ABCC11: variants seen among roughly 807,000 people sequenced by gnomAD.
The protein encoded by ABCC11 is ATP binding cassette subfamily C member 11, also known as ATP-binding cassette sub-family C member 11.
ABCC11 carries 135 observed loss-of-function variants against 149.3 expected under a neutral mutation model. The ratio of observed to expected loss-of-function variants is 0.90; its 90% CI spans 0.79 to 1.04. The LOEUF (loss-of-function observed/expected upper bound fraction) is 1.04, where lower values mean the gene tolerates loss of function less well. Ranked by LOEUF, ABCC11 falls within the 50% of genes least tolerant of loss-of-function variation. The pLI is 0.00. For missense variants in ABCC11, 1,680 were observed against 1,722.1 expected, an observed-to-expected ratio of 0.98 and a Z score of 0.43; for synonymous variants, 665 against 671.4, an observed-to-expected ratio of 0.99 and a Z score of 0.15.
intron 27 of ABCC11, 89 bp downstream of exon 27, chr16:48,170,800 T>C: frequency 1.6e-6 from 2 of 1,224,706 alleles, no homozygotes; most frequent in Non-Finnish European, 2.4e-6. Context: ...CAGCAGCAGC[T>C]GGAACACCAC....
intron 10 of ABCC11, among the ~76,000 whole-genome samples, chr16:48,211,415 C>G (rs371541908): frequency 6.6e-6 from 1 of 152,214 alleles, no homozygotes; most frequent in Non-Finnish European, 1.5e-5. Context: ...CCGGGCCACT[C>G]TTCCATATTT....
At chr16:48,169,862 A>G (rs966488002) in intron 28 of ABCC11, among the ~76,000 whole-genome samples, 2 of 152,036 alleles carry the variant, frequency 1.3e-5, no homozygotes, top group African/African-American at 2.4e-5. Flanking sequence ...ACATGTATAC[A>G]TATGTAACAA....
rs1293254105 is a variant in ABCC11 at position 48,216,078 on chromosome 16, G to T, written c.951+36C>A. On this transcript the variant is annotated intron_variant, in intron 7 of 29. Coordinates refer to ENST00000356608, the MANE Select transcript of ABCC11 (RefSeq NM_001370497.1). ...ATTCCAGAGCCCTGGGACTTCTGGG[G>T]CCCAGCATCAAATGGGTGACAGAGA... 2.5e-6 allele frequency: 4 copies of T among 1,601,804 alleles called. No homozygotes were observed. In the South Asian group the frequency reaches 3.3e-5, roughly 13 times the overall value.
intron 25 of ABCC11, among the ~76,000 whole-genome samples, chr16:48,176,578 T>C (rs1000967889): frequency 9.9e-5 from 15 of 152,262 alleles, no homozygotes; most frequent in African/African-American, 3.6e-4. Flanking sequence ...CCGGACCCTA[T>C]ACCCCTCAGC....
chr16:48,222,485 C>T, intron 6 of ABCC11, 113 bp downstream of exon 6: 4 of 851,520 alleles, frequency 4.7e-6, no homozygotes, highest in Non-Finnish European at 7.4e-6. Flanking sequence ...TTTTCTTTCT[C>T]TTTCTCCTTC....
chr16:48,227,573 A>G (rs955548039), intron 4 of ABCC11, among the ~76,000 whole-genome samples: 3 of 152,056 alleles, frequency 2.0e-5, no homozygotes, highest in Admixed American at 6.6e-5. Context: ...AAGAGATGTG[A>G]ATTCTTGCTC....
At chr16:48,228,657 A>G (rs1180065937) in intron 3 of ABCC11, among the ~76,000 whole-genome samples, 1 of 152,164 alleles carries the variant, frequency 6.6e-6, no homozygotes, top group Non-Finnish European at 1.5e-5. Flanking sequence ...AAGGAGAGAA[A>G]GCAGACAAAA....
chr16:48,227,254 A>T (rs1268633005), intron 4 of ABCC11, among the ~76,000 whole-genome samples: 2 of 152,112 alleles, frequency 1.3e-5, no homozygotes, highest in African/African-American at 2.4e-5. Flanking sequence ...CAGGTGGATC[A>T]CCTGAGGTCA....
intron 1 of ABCC11, chr16:48,244,591 G>C: frequency 1.3e-6 from 2 of 1,491,866 alleles, no homozygotes; most frequent in Non-Finnish European, 1.8e-6. Context: ...GACCCCGCCA[G>C]CGACGCGCAG....
intron 5 of ABCC11, among the ~76,000 whole-genome samples, chr16:48,223,395 C>T (rs2056308578): frequency 6.6e-6 from 1 of 152,162 alleles, no homozygotes; most frequent in Non-Finnish European, 1.5e-5. Flanking sequence ...TCAACCCCAA[C>T]CAGAAGCCAG....
intron 4 of ABCC11, among the ~76,000 whole-genome samples, chr16:48,224,850 C>T (rs1363374873): frequency 6.6e-6 from 1 of 152,068 alleles, no homozygotes; most frequent in Non-Finnish European, 1.5e-5. Context: ...TGGTGAAACC[C>T]CCATCTCTGC....
Position 48,224,309 on chromosome 16 carries a change from G to T in ABCC11, c.516C>A (p.Cys172Ter). The T allele has an allele frequency of 1.2e-6, 2 of 1,614,176 alleles. No homozygotes were observed. The highest frequency in any genetic ancestry group is 4.5e-5 in the East Asian group (2 of 44,884). ...RLIFDALLGI[C>*]FCIASVLGPI... ...GCCCGAGTACACTGGCAATGCAGAA[G>T]CAGATGCCCAGAAGTGCATCGAAAA... The change falls in exon 5 of 30, where the codon TGC becomes TGA. Residue 172 changes from cysteine (C) to a stop codon, truncating the protein, a stop_gained. Coordinates refer to ENST00000356608, the MANE Select transcript of ABCC11 (RefSeq NM_001370497.1). LOFTEE classifies it high-confidence loss of function.
chr16:48,192,243 A>T (rs1164144504), intron 20 of ABCC11, among the ~76,000 whole-genome samples: 1 of 152,136 alleles, frequency 6.6e-6, no homozygotes, highest in Admixed American at 6.5e-5. Context: ...CAGGAGTTTG[A>T]GACCACCTTG....
At chr16:48,172,073 T>C (rs1041590508) in intron 26 of ABCC11, among the ~76,000 whole-genome samples, 2 of 152,358 alleles carry the variant, frequency 1.3e-5, no homozygotes, top group East Asian at 1.9e-4. Flanking sequence ...TGGTAACTTC[T>C]ATTCTACTTT....
chr16:48,205,623 C>A, intron 12 of ABCC11, 86 bp from the exon 13 acceptor site: 1 of 1,533,150 alleles, frequency 6.5e-7, no homozygotes, highest in South Asian at 1.2e-5. Flanking sequence ...CCCAGGGCCC[C>A]ACTGCCCTCC....
At chr16:48,227,699 A>G (rs1363013403) in intron 4 of ABCC11, 107 bp downstream of exon 4, 3 of 1,463,058 alleles carry the variant, frequency 2.1e-6, no homozygotes, top group Non-Finnish European at 1.9e-6. Context: ...GGAAGAGCCA[A>G]GTCGTCTGGC....
chr16:48,243,401 CAAAAA>C (rs541776018), intron 1 of ABCC11, among the ~76,000 whole-genome samples: 1,740 of 72,796 alleles, frequency 0.024, 38 homozygotes, highest in African/African-American at 0.075. Context: ...GACTCCGTCT[CAAAAA>C]AAAAAAAAAA....
chr16:48,242,621 C>A (rs1048301901), intron 1 of ABCC11, among the ~76,000 whole-genome samples: 1 of 152,092 alleles, frequency 6.6e-6, no homozygotes, highest in Non-Finnish European at 1.5e-5. Context: ...GCACTATTCG[C>A]AATAGCAAAG....
chr16:48,223,895 A>G (rs1204095841), intron 5 of ABCC11, among the ~76,000 whole-genome samples: 2 of 152,132 alleles, frequency 1.3e-5, no homozygotes, highest in Admixed American at 1.3e-4. Flanking sequence ...TAAATGCTTT[A>G]TATACTTATC....
Sources: allele counts gnomAD v4.1 joint callset (sites outside exome capture counted in the v4.1 genomes callset), GRCh38; gene constraint gnomAD v4.1.1; transcripts MANE v1.5; gene names NCBI Gene and HGNC (gene_info 2026-07-23, HGNC 2026-07-21).